CTNNA2: variants seen among roughly 807,000 people sequenced by gnomAD.
The protein encoded by CTNNA2 is catenin alpha 2.
A neutral mutation model predicts 101.0 loss-of-function variants in CTNNA2; 42 were observed. The ratio of observed to expected loss-of-function variants is 0.42; its 90% CI spans 0.32 to 0.54. CTNNA2 has a LOEUF of 0.54. CTNNA2 is among the 20% of genes least tolerant of loss of function. The pLI is 0.14. For synonymous variants in CTNNA2, 450 were observed against 456.4 expected, an observed-to-expected ratio of 0.99 and a Z score of 0.18; for missense variants, 871 against 1,223.1, an observed-to-expected ratio of 0.71 and a Z score of 4.29.
chr2:79,386,040 T>C (rs1678102277), intron 4 of CTNNA2, among the ~76,000 whole-genome samples: 1 of 152,210 alleles, frequency 6.6e-6, no homozygotes, highest in African/African-American at 2.4e-5. Context: ...CCTTTGAGTA[T>C]ATACCCAGTA....
intron 7 of CTNNA2, among the ~76,000 whole-genome samples, chr2:80,386,577 T>C (rs1382649711): frequency 6.6e-6 from 1 of 152,196 alleles, no homozygotes; most frequent in Admixed American, 6.5e-5. Context: ...AATTTTTTCT[T>C]CTCCCTCCTG....
At chr2:79,235,941 G>T (rs1674551702) in intron 2 of CTNNA2, among the ~76,000 whole-genome samples, 1 of 152,178 alleles carries the variant, frequency 6.6e-6, no homozygotes, top group African/African-American at 2.4e-5. Context: ...TACCCCACTG[G>T]CTGAGTTTAG....
intron 7 of CTNNA2, among the ~76,000 whole-genome samples, chr2:80,118,680 G>A (rs1701661786): frequency 1.3e-5 from 2 of 152,320 alleles, no homozygotes; most frequent in South Asian, 4.1e-4. Flanking sequence ...AAAGGAAGTA[G>A]AAAACATAAG....
At chr2:79,470,058 G>C (rs940344584) in intron 4 of CTNNA2, among the ~76,000 whole-genome samples, 10 of 152,226 alleles carry the variant, frequency 6.6e-5, no homozygotes, top group African/African-American at 2.4e-4. Context: ...GGAAATAAAG[G>C]GTATTCAATT....
At chr2:80,602,128 T>A (rs1476240596) in intron 15 of CTNNA2, 1 of 152,108 alleles carries the variant, frequency 6.6e-6, no homozygotes, top group African/African-American at 2.4e-5. Context: ...AAATATACCC[T>A]CATACCCATG....
chr2:79,468,226 A>G (rs1305530647), intron 4 of CTNNA2, among the ~76,000 whole-genome samples: 1 of 152,198 alleles, frequency 6.6e-6, no homozygotes, highest in Non-Finnish European at 1.5e-5. Context: ...AGGGGTTGCA[A>G]TCCTAGTCTC....
intron 7 of CTNNA2, among the ~76,000 whole-genome samples, chr2:80,184,156 G>A (rs558014201): frequency 6.6e-6 from 1 of 152,170 alleles, no homozygotes; most frequent in East Asian, 1.9e-4. Context: ...ACTGATGACA[G>A]CATCATAAGA....
chr2:79,466,321 A>G (rs957192177), intron 4 of CTNNA2, among the ~76,000 whole-genome samples: 5 of 152,314 alleles, frequency 3.3e-5, no homozygotes, highest in African/African-American at 1.2e-4. Flanking sequence ...GGTGGCAGCA[A>G]GGCTGGGGGA....
intron 7 of CTNNA2, among the ~76,000 whole-genome samples, chr2:80,224,468 G>A (rs1708756130): frequency 6.6e-6 from 1 of 151,820 alleles, no homozygotes; most frequent in Non-Finnish European, 1.5e-5. Flanking sequence ...ATTTTGAGAT[G>A]GAGTGTCGCT....
intron 1 of CTNNA2, among the ~76,000 whole-genome samples, chr2:79,538,693 A>T (rs1485539745): frequency 6.6e-6 from 1 of 152,176 alleles, no homozygotes; most frequent in African/African-American, 2.4e-5. Context: ...TGTGTGGTTC[A>T]TATTTAAATT....
Position 79,541,029 on chromosome 2 carries a change from A to G in CTNNA2, c.-6+27822A>G, listed in dbSNP as rs756439943. 8.3e-4 allele frequency among the ~76,000 whole-genome samples: 127 copies of G among 152,230 alleles called. 1 individual carries two copies. Among genetic ancestry groups the G allele is most frequent in the Non-Finnish European group, 9.0e-4 (61 of 68,002 alleles). ...TGGTTTGCTTGTGATTTAGCATTTC[A>G]TACCTTGTATAAAATGTCCATGAGA... On this transcript the variant is annotated intron_variant, in intron 1 of 18. Transcript: ENST00000402739.
At chr2:80,490,279 C>T (rs1376994518) in intron 9 of CTNNA2, among the ~76,000 whole-genome samples, 1 of 54,900 alleles carries the variant, frequency 1.8e-5, no homozygotes, top group African/African-American at 1.1e-4. Flanking sequence ...CTTCCCCCCC[C>T]ACCCCCCCCC....
At chr2:80,425,245 T>G (rs962576762) in intron 9 of CTNNA2, among the ~76,000 whole-genome samples, 3 of 152,208 alleles carry the variant, frequency 2.0e-5, no homozygotes, top group African/African-American at 7.2e-5. Context: ...GTGGGTCTCT[T>G]GTAGGCTACT....
At chr2:80,164,736 G>A (rs1030157214) in intron 7 of CTNNA2, among the ~76,000 whole-genome samples, 8 of 151,080 alleles carry the variant, frequency 5.3e-5, no homozygotes, top group South Asian at 2.1e-4. Flanking sequence ...TCTTTTGGGG[G>A]AGGTCTATTG....
chr2:79,499,591 G>T (rs531457367), intron 4 of CTNNA2, among the ~76,000 whole-genome samples: 1 of 152,116 alleles, frequency 6.6e-6, no homozygotes, highest in East Asian at 1.9e-4. Context: ...GATTTCTTAC[G>T]CCACCTATGT....
intron 17 of CTNNA2, 197 bp from the exon 18 acceptor site, chr2:80,618,888 C>T: frequency 2.6e-6 from 1 of 382,524 alleles, no homozygotes; most frequent in Non-Finnish European, 4.7e-6. Flanking sequence ...AATGAGAAAT[C>T]GAAATGGCCA....
At chr2:80,329,736 G>A (rs912531073) in intron 7 of CTNNA2, among the ~76,000 whole-genome samples, 4 of 152,194 alleles carry the variant, frequency 2.6e-5, no homozygotes, top group Admixed American at 1.3e-4. Context: ...TTCAAGTTGT[G>A]TGAGGTAAAA....
intron 3 of CTNNA2, among the ~76,000 whole-genome samples, chr2:79,779,326 C>T (rs1674247479): frequency 6.6e-6 from 1 of 152,050 alleles, no homozygotes. Flanking sequence ...GGGCTCATCC[C>T]CCTTCTCTGT....
chr2:80,629,677 A>G (rs1672067527), intron 18 of CTNNA2, among the ~76,000 whole-genome samples: 1 of 152,082 alleles, frequency 6.6e-6, no homozygotes, highest in Admixed American at 6.6e-5. Context: ...CCTCGTTTGG[A>G]TAATTCTTTA....
Sources: allele counts gnomAD v4.1 joint callset (sites outside exome capture counted in the v4.1 genomes callset), GRCh38; gene constraint gnomAD v4.1.1; transcripts MANE v1.5; gene names NCBI Gene and HGNC (gene_info 2026-07-23, HGNC 2026-07-21).